LRMDA: variants seen among roughly 807,000 people sequenced by gnomAD.
The protein encoded by LRMDA is leucine rich melanocyte differentiation associated.
A neutral mutation model predicts 29.8 loss-of-function variants in LRMDA; 18 were observed. That is an observed-to-expected ratio of 0.60 (90% confidence interval 0.42 to 0.90). The LOEUF is 0.90. Ranked by LOEUF, LRMDA falls within the 40% of genes least tolerant of loss-of-function variation. The pLI is 0.00. For missense variants in LRMDA, 273 were observed against 273.9 expected, an observed-to-expected ratio of 1.00 and a Z score of 0.02; for synonymous variants, 125 against 109.4, an observed-to-expected ratio of 1.14 and a Z score of -0.89.
At chr10:75,823,438 A>T (rs2132283583) in intron 2 of LRMDA, among the ~76,000 whole-genome samples, 1 of 152,330 alleles carries the variant, frequency 6.6e-6, no homozygotes, top group Admixed American at 6.5e-5. Context: ...AATGGCCATT[A>T]TTAAAAAGTC....
intron 5 of LRMDA, among the ~76,000 whole-genome samples, chr10:76,129,493 CCTT>C (rs969072428): frequency 2.6e-5 from 4 of 152,196 alleles, no homozygotes; most frequent in Non-Finnish European, 4.4e-5. Context: ...TCATGGCAAA[CCTT>C]CTTGGGTGTA....
At chr10:76,260,990 T>G (rs1358792265) in intron 5 of LRMDA, 1 of 152,166 alleles carries the variant, frequency 6.6e-6, no homozygotes. Context: ...GAAAGAGAGC[T>G]TGTTCCAATA....
intron 5 of LRMDA, among the ~76,000 whole-genome samples, chr10:76,312,177 T>C (rs1433910332): frequency 6.6e-6 from 1 of 152,212 alleles, no homozygotes; most frequent in Non-Finnish European, 1.5e-5. Context: ...TTTCCTGTCA[T>C]AAGGAAATCC....
chr10:75,521,136 T>C (rs181277163), intron 2 of LRMDA, among the ~76,000 whole-genome samples: 54 of 152,274 alleles, frequency 3.5e-4, no homozygotes, highest in African/African-American at 1.3e-3. Flanking sequence ...CTGGGAGGTG[T>C]CTCCCAGTTA....
rs574496841 is a variant in LRMDA at position 75,464,283 on chromosome 10, G to A, written c.131+25789G>A. Among the ~76,000 whole-genome samples, 9 of 152,344 alleles carry A rather than the reference G, an allele frequency of 5.9e-5. No homozygotes were observed. The South Asian group carries it at 1.7e-3, about 28-fold the overall frequency. On this transcript the variant is annotated intron_variant, in intron 2 of 6. Coordinates refer to ENST00000611255, the MANE Select transcript of LRMDA (RefSeq NM_001305581.2). ...CGAAGGGGTTGGCTGTGTGTGTTGT[G>A]CACATGTGCTCACTGTGGTGAGAAG...
chr10:76,212,330 A>G (rs1851651790), intron 5 of LRMDA, among the ~76,000 whole-genome samples: 1 of 151,942 alleles, frequency 6.6e-6, no homozygotes, highest in African/African-American at 2.4e-5. Context: ...GTTCCCAGGT[A>G]CTATGAGAAT....
chr10:75,586,050 T>A (rs1260212618), intron 2 of LRMDA, among the ~76,000 whole-genome samples: 1 of 152,228 alleles, frequency 6.6e-6, no homozygotes, highest in East Asian at 1.9e-4. Context: ...TGTATGTATA[T>A]ACCATGTTTT....
chr10:76,053,664 G>A (rs763690472), intron 4 of LRMDA, among the ~76,000 whole-genome samples: 5 of 152,148 alleles, frequency 3.3e-5, no homozygotes, highest in Non-Finnish European at 4.4e-5. Context: ...TGTTTGGAGC[G>A]AGTTCCAAGC....
chr10:75,919,630 G>A (rs1215262461), intron 2 of LRMDA, among the ~76,000 whole-genome samples: 1 of 152,136 alleles, frequency 6.6e-6, no homozygotes, highest in Non-Finnish European at 1.5e-5. Flanking sequence ...GGTCCTTGGA[G>A]CTCATCTCAT....
intron 2 of LRMDA, among the ~76,000 whole-genome samples, chr10:75,943,455 G>C (rs752438743): frequency 2.0e-5 from 3 of 152,088 alleles, no homozygotes; most frequent in Non-Finnish European, 4.4e-5. Flanking sequence ...AATTAGTTTT[G>C]TCTAATATCA....
At chr10:75,891,556 G>T (rs546981669) in intron 2 of LRMDA, among the ~76,000 whole-genome samples, 1 of 152,284 alleles carries the variant, frequency 6.6e-6, no homozygotes, top group East Asian at 1.9e-4. Flanking sequence ...TCAAAGGCTG[G>T]GTCATGGGTG....
chr10:76,429,322 C>A (rs954308468), intron 6 of LRMDA, among the ~76,000 whole-genome samples: 1 of 152,144 alleles, frequency 6.6e-6, no homozygotes, highest in Non-Finnish European at 1.5e-5. Context: ...CAGGTCTTAG[C>A]CCTGCAACCC....
At chr10:76,354,661 TA>T (rs1213682676) in intron 6 of LRMDA, among the ~76,000 whole-genome samples, 1 of 152,160 alleles carries the variant, frequency 6.6e-6, no homozygotes, top group Non-Finnish European at 1.5e-5. Flanking sequence ...TTCAATCTTA[TA>T]AAAAACCTGT....
At chr10:75,985,490 G>T (rs111514420) in intron 2 of LRMDA, among the ~76,000 whole-genome samples, 5 of 152,174 alleles carry the variant, frequency 3.3e-5, no homozygotes, top group Non-Finnish European at 5.9e-5. Flanking sequence ...CCCTAAGGGA[G>T]GCAACGTGGC....
At chr10:76,067,021 G>A (rs528602084) in intron 5 of LRMDA, among the ~76,000 whole-genome samples, 2 of 152,298 alleles carry the variant, frequency 1.3e-5, no homozygotes, top group South Asian at 4.1e-4. Flanking sequence ...CAGCTACAGG[G>A]GTTAGAGAGC....
At chr10:75,990,154 CG>C (rs1043487756) in intron 2 of LRMDA, among the ~76,000 whole-genome samples, 1 of 152,168 alleles carries the variant, frequency 6.6e-6, no homozygotes, top group Non-Finnish European at 1.5e-5. Context: ...TTTGATTTAT[CG>C]GGGAGAGGTA....
chr10:76,544,555 C>A (rs1318250944), intron 6 of LRMDA, among the ~76,000 whole-genome samples: 1 of 152,066 alleles, frequency 6.6e-6, no homozygotes, highest in Non-Finnish European at 1.5e-5. Flanking sequence ...TTATAACATG[C>A]TCTTCTACTA....
chr10:75,515,669 T>A (rs2132034515), intron 2 of LRMDA, among the ~76,000 whole-genome samples: 2 of 152,296 alleles, frequency 1.3e-5, no homozygotes, highest in South Asian at 4.1e-4. Flanking sequence ...TATGAGCCAC[T>A]GTGCCTGGCC....
chr10:75,795,662 G>A (rs893099631), intron 2 of LRMDA, among the ~76,000 whole-genome samples: 1 of 152,110 alleles, frequency 6.6e-6, no homozygotes, highest in African/African-American at 2.4e-5. Context: ...TTTAAATTAA[G>A]GAGTATGAGT....
Sources: allele counts gnomAD v4.1 joint callset (sites outside exome capture counted in the v4.1 genomes callset), GRCh38; gene constraint gnomAD v4.1.1; transcripts MANE v1.5; gene names NCBI Gene and HGNC (gene_info 2026-07-23, HGNC 2026-07-21).